Variants in BRD8 observed in about 807,000 individuals in gnomAD.
The protein encoded by BRD8 is bromodomain-containing protein 8.
Under a neutral mutation model 143.1 loss-of-function variants are expected in BRD8, and 67 were observed. The observed-to-expected ratio is 0.47, with a 90% confidence interval of 0.38 to 0.57. BRD8 has a LOEUF of 0.57. Ranked by LOEUF, BRD8 falls within the 20% of genes least tolerant of loss-of-function variation. The pLI, the probability that BRD8 is intolerant of heterozygous loss-of-function variation, is 0.00. For missense variants in BRD8, 1,103 were observed against 1,503.0 expected, an observed-to-expected ratio of 0.73 and a Z score of 4.40; for synonymous variants, 505 against 517.1, an observed-to-expected ratio of 0.98 and a Z score of 0.32.
rs1180537524 is a variant in BRD8 at position 138,164,940 on chromosome 5, C to G, written c.1505G>C (p.Arg502Thr). ...CACCTTGATCTCTGCACTGGGCTCC[C>G]TGATGTCCACCAGTTCATGTATTCC... ...NKGIHELVDI[R>T]EPSAEIKVEP... is the part of the protein sequence containing the mutation. Residue 502 changes from arginine to threonine, a missense_variant, in exon 12 of 27, where the codon AGG becomes ACG. By Grantham distance (71) the Arg-to-Thr change is moderately conservative. Transcript: ENST00000254900. The G allele has an allele frequency of 1.2e-6, 2 of 1,614,224 alleles. No homozygotes were observed. Among genetic ancestry groups the G allele is most frequent in the Non-Finnish European group, 1.7e-6 (2 of 1,180,036 alleles).
chr5:138,155,280 C>G (rs1030085163), intron 20 of BRD8, among the ~76,000 whole-genome samples: 1 of 151,530 alleles, frequency 6.6e-6, no homozygotes, highest in African/African-American at 2.4e-5. Flanking sequence ...AACCCCACCT[C>G]TACTAAAGAA....
chr5:138,177,727 G>T, intron 1 of BRD8, 60 bp from the exon 2 acceptor site: 1 of 1,037,840 alleles, frequency 9.6e-7, no homozygotes, highest in Non-Finnish European at 1.4e-6. Flanking sequence ...GTAGTGCTAA[G>T]CTCCAAAATC....
intron 20 of BRD8, chr5:138,157,417 C>T (rs773505002): frequency 2.0e-6 from 2 of 995,756 alleles, no homozygotes; most frequent in Non-Finnish European, 2.9e-6. Context: ...TTTCTGTCTT[C>T]CCACAGAGTG....
intron 18 of BRD8, among the ~76,000 whole-genome samples, chr5:138,160,442 C>T (rs1752921168): frequency 6.6e-6 from 1 of 152,052 alleles, no homozygotes; most frequent in African/African-American, 2.4e-5. Flanking sequence ...TAGAATGAAC[C>T]AAAGATCATT....
chr5:138,169,459 C>A, intron 7 of BRD8, 101 bp from the exon 8 acceptor site: 1 of 1,321,076 alleles, frequency 7.6e-7, no homozygotes, highest in Non-Finnish European at 1.0e-6. Flanking sequence ...AGGTATGTTG[C>A]ATTACTAAAG....
chr5:138,146,273 G>A (rs1157733123), intron 23 of BRD8, among the ~76,000 whole-genome samples: 2 of 151,626 alleles, frequency 1.3e-5, no homozygotes, highest in African/African-American at 4.8e-5. Context: ...GGCCAGGCTG[G>A]TCTCAAACTC....
Position 138,140,052 on chromosome 5 carries a change from AAGTC to A in BRD8, c.*18_*21del. ...CCGGGAGAGATTCAAACTCTAGAAA[AAGTC>A]AGGATAGCAGCTCCAGGTTAGAAAA... On this transcript the variant is annotated 3_prime_UTR_variant, in exon 27 of 27. Transcript: ENST00000254900. 1 of 1,583,510 alleles carries A rather than the reference AAGTC, an allele frequency of 6.3e-7. No individual in the cohort carries two copies. Among genetic ancestry groups the A allele is most frequent in the East Asian group, 2.2e-5 (1 of 44,718 alleles).
intron 17 of BRD8, 22 bp downstream of exon 17, chr5:138,161,774 T>C: frequency 3.1e-6 from 5 of 1,606,478 alleles, no homozygotes; most frequent in Non-Finnish European, 4.3e-6. Flanking sequence ...CAAGTTACCA[T>C]GCTGGGTGGA....
intron 18 of BRD8, among the ~76,000 whole-genome samples, 194 bp from the exon 19 acceptor site, chr5:138,160,367 AC>A (rs1338486277): frequency 2.6e-5 from 4 of 152,206 alleles, no homozygotes; most frequent in Non-Finnish European, 5.9e-5. Context: ...AGCAGCCCTA[AC>A]TTTTTTTTGC....
intron 19 of BRD8, 125 bp downstream of exon 19, chr5:138,159,944 T>C (rs1752873385): frequency 1.4e-6 from 1 of 710,790 alleles, no homozygotes; most frequent in African/African-American, 1.8e-5. Context: ...CATTCTAAGA[T>C]CTATGTGTCT....
At chr5:138,177,506 A>T in intron 2 of BRD8, 65 bp downstream of exon 2, 1 of 929,420 alleles carries the variant, frequency 1.1e-6, no homozygotes, top group Non-Finnish European at 1.8e-6. Context: ...ATAGAAATCT[A>T]CCGATGTGAA....
chr5:138,171,925 G>A (rs988338679), intron 3 of BRD8, 140 bp downstream of exon 3: 1 of 731,052 alleles, frequency 1.4e-6, no homozygotes, highest in Non-Finnish European at 2.4e-6. Context: ...TTAGCAAACA[G>A]TAGGAAAAAG....
At chr5:138,164,442 A>G in intron 12 of BRD8, 29 bp from the exon 13 acceptor site, 1 of 1,585,934 alleles carries the variant, frequency 6.3e-7, no homozygotes, top group Non-Finnish European at 8.7e-7. Context: ...AAAACACCCT[A>G]AGTACTGATA....
At position 138,166,619 on chromosome 5, in the gene BRD8, G is replaced by C. The variant is rs766380277; in HGVS notation, c.896C>G (p.Pro299Arg). Residue 299 changes from proline (P) to arginine (R), a missense_variant, in exon 10 of 27, where the codon CCC becomes CGC. By Grantham distance (103) the Pro-to-Arg change is moderately radical. Coordinates refer to ENST00000254900, the MANE Select transcript of BRD8 (RefSeq NM_139199.2). ...ASEPPVKLVP[P>R]PVESVSQATI... is the part of the protein sequence containing the mutation. ...AGCTTGGGACACAGACTCTACAGGG[G>C]GTGGCACAAGTTTAACTGGAGGCTC... The C allele has an allele frequency of 6.2e-7, 1 of 1,613,354 alleles. No individual in the cohort carries two copies. Among genetic ancestry groups the C allele is most frequent in the Non-Finnish European group, 8.5e-7 (1 of 1,179,304 alleles).
At chr5:138,157,221 T>C (rs1752660625) in intron 20 of BRD8, 1 of 1,613,730 alleles carries the variant, frequency 6.2e-7, no homozygotes, top group East Asian at 2.2e-5. Flanking sequence ...CTTTTTCATC[T>C]TCATATCTGC....
intron 20 of BRD8, among the ~76,000 whole-genome samples, chr5:138,154,318 A>G (rs1334360327): frequency 6.6e-6 from 1 of 151,920 alleles, no homozygotes; most frequent in Non-Finnish European, 1.5e-5. Flanking sequence ...TTCTAATTAC[A>G]TTTTTCTCCG....
intron 8 of BRD8, chr5:138,168,693 G>A: frequency 1.4e-6 from 2 of 1,440,098 alleles, no homozygotes; most frequent in African/African-American, 1.4e-5. Context: ...GGTTACCTAA[G>A]AGACAACAGA....
rs1753325517 is a variant in BRD8, at chr5:138,165,468, G to C, written c.1279-302C>G. On this transcript the variant is annotated intron_variant, in intron 11 of 26. Coordinates refer to ENST00000254900, the MANE Select transcript of BRD8 (RefSeq NM_139199.2). Reference sequence around the variant, plus strand: ...CAGCCGAGTATGGTGGCTCATGCCTGTAATCTCAGCACTTTGGGAGGCCGA... The same window carrying C: ...CAGCCGAGTATGGTGGCTCATGCCTCTAATCTCAGCACTTTGGGAGGCCGA... 1.3e-5 allele frequency among the ~76,000 whole-genome samples: 2 copies of C among 152,182 alleles called. 1 individual carries two copies. The highest frequency in any genetic ancestry group is 4.1e-4 in the South Asian group (2 of 4,834).
chr5:138,168,362 T>C, intron 8 of BRD8: 1 of 824,560 alleles, frequency 1.2e-6, no homozygotes. Flanking sequence ...TTAGGAGATC[T>C]TTTCCTCTTT....
Sources: gnomAD v4.1 joint callset for allele counts (sites outside exome capture counted in the v4.1 genomes callset) on GRCh38, gnomAD v4.1.1 for gene constraint, MANE v1.5 for transcripts, NCBI Gene and HGNC (gene_info 2026-07-23, HGNC 2026-07-21) for gene names.